GOLIM4: variants seen among roughly 807,000 people sequenced by gnomAD.
GOLIM4 encodes 130 kDa golgi-localized phosphoprotein.
GOLIM4 carries 71 observed loss-of-function variants against 107.4 expected under a neutral mutation model. That is an observed-to-expected ratio of 0.66 (90% confidence interval 0.55 to 0.81). The LOEUF is 0.81. Ranked by LOEUF, GOLIM4 falls within the 30% of genes least tolerant of loss-of-function variation. The pLI is 0.00. For missense variants in GOLIM4, 830 were observed against 826.1 expected, an observed-to-expected ratio of 1.00 and a Z score of -0.06; for synonymous variants, 327 against 294.8, an observed-to-expected ratio of 1.11 and a Z score of -1.12.
At chr3:168,044,654 C>T (rs765534347) in intron 4 of GOLIM4, among the ~76,000 whole-genome samples, 174 bp downstream of exon 4, 1 of 151,928 alleles carries the variant, frequency 6.6e-6, no homozygotes, top group African/African-American at 2.4e-5. Flanking sequence ...GTGATAAATA[C>T]GACAAGCCAT....
intron 1 of GOLIM4, among the ~76,000 whole-genome samples, chr3:168,055,919 T>C (rs1279952107): frequency 6.6e-6 from 1 of 151,364 alleles, no homozygotes; most frequent in Non-Finnish European, 1.5e-5. Flanking sequence ...GAAAAGAAAA[T>C]CCCATTTTCT....
chr3:168,085,327 A>G (rs1879815), intron 1 of GOLIM4, among the ~76,000 whole-genome samples: 85,189 of 152,034 alleles, frequency 0.56, 24,535 homozygotes, highest in African/African-American at 0.71. Flanking sequence ...CAGATGACAG[A>G]ACCTCCTAAG....
chr3:168,062,077 T>C (rs1406404375), intron 1 of GOLIM4, among the ~76,000 whole-genome samples: 3 of 152,248 alleles, frequency 2.0e-5, no homozygotes, highest in African/African-American at 7.2e-5. Flanking sequence ...AATAAAATAG[T>C]GAAATATGCA....
rs1343241778 is a variant in GOLIM4 at position 168,040,200 on chromosome 3, CCT to C, written c.684+584_684+585del. Among the ~76,000 whole-genome samples the C allele has an allele frequency of 5.9e-5, 9 of 152,306 alleles. 1 individual carries two copies. The highest frequency in any genetic ancestry group is 3.3e-4 in the Admixed American group (5 of 15,290). The stretch of plus-strand genomic sequence containing the variant: ...GCTCTCCAACACTTGTATTTGTTCC[CCT>C]GTTCATTCAGTAAATATATACTGAG... On this transcript the variant is annotated intron_variant, in intron 7 of 15. Transcript: ENST00000470487.
chr3:168,010,199 T>C lies in GOLIM4; in HGVS notation c.*70A>G. ...TGTAATTAAATATCCTAGAGTTCAG[T>C]AGGCAGATTTATGTTTGAGCAGCTT... On this transcript the variant is annotated 3_prime_UTR_variant, in exon 16 of 16. Coordinates refer to ENST00000470487, the MANE Select transcript of GOLIM4 (RefSeq NM_014498.5). The C allele has an allele frequency of 2.2e-6, 3 of 1,378,630 alleles. No homozygotes were observed. The highest frequency in any genetic ancestry group is 1.5e-5 in the African/African-American group (1 of 68,918). 85.4% of individuals were successfully genotyped at this position (1,378,630 alleles called of 1,614,324 possible). A position where few individuals can be genotyped will look rare whatever the true frequency, so the allele number is the denominator to read the frequency against.
chr3:168,064,702 G>A (rs933445189), intron 1 of GOLIM4, among the ~76,000 whole-genome samples: 25 of 149,816 alleles, frequency 1.7e-4, no homozygotes, highest in African/African-American at 4.0e-4. Flanking sequence ...CTCCTGAGTC[G>A]CTGGGACTAC....
chr3:168,027,504 T>G (rs1039700807), intron 12 of GOLIM4, among the ~76,000 whole-genome samples: 3 of 151,948 alleles, frequency 2.0e-5, no homozygotes, highest in East Asian at 1.9e-4. Context: ...GTTTTGTTTT[T>G]TTTTTTCCCC....
intron 14 of GOLIM4, among the ~76,000 whole-genome samples, chr3:168,012,868 C>T (rs530874528): frequency 3.0e-4 from 46 of 151,768 alleles, no homozygotes; most frequent in Admixed American, 2.2e-3. Flanking sequence ...CAGGCCTGCC[C>T]TACAAGAGCT....
Position 168,043,477 on chromosome 3 carries a change from C to G in GOLIM4, c.419G>C (p.Arg140Pro). The G allele has an allele frequency of 1.2e-6, 2 of 1,613,234 alleles. No homozygotes were observed. Among genetic ancestry groups the G allele is most frequent in the Non-Finnish European group, 1.7e-6 (2 of 1,179,484 alleles). Residue 140 changes from arginine to proline, a missense_variant, in exon 5 of 16, where the codon CGC becomes CCC. By Grantham distance (103) the Arg-to-Pro change is moderately radical. Coordinates refer to ENST00000470487, the MANE Select transcript of GOLIM4 (RefSeq NM_014498.5). The stretch of plus-strand genomic sequence containing the variant: ...TCTACTGAAGTCTTCCCCTTGTTTG[C>G]GATGTTCCTCTTCCAAGTCACTGTG... Reference protein sequence around the residue: ...KQHSDLEEEHRKQGEDFSRTF... With the variant: ...KQHSDLEEEHPKQGEDFSRTF...
rs1718079677 is a variant in GOLIM4 at position 168,027,776 on chromosome 3, C to G, written c.1575G>C (p.Glu525Asp). The change falls in exon 12 of 16, where the codon GAG (glutamate) becomes GAC (aspartate). Residue 525 changes from glutamate to aspartate, a missense_variant. Glu to Asp is a conservative substitution (Grantham distance 45). Coordinates refer to ENST00000470487, the MANE Select transcript of GOLIM4 (RefSeq NM_014498.5). The stretch of plus-strand genomic sequence containing the variant: ...CTTCTCGGGGTCCTTGTTCACGAGG[C>G]TCATGTCTATTACCTGGATCTCCTT... ...EAEGDPGNRH[E>D]PREQGPREAD... The G allele has an allele frequency of 6.2e-7, 1 of 1,613,602 alleles. No individual in the cohort carries two copies. The highest frequency in any genetic ancestry group is 8.5e-7 in the Non-Finnish European group (1 of 1,179,628).
At chr3:168,022,152 A>C (rs980100811) in intron 14 of GOLIM4, among the ~76,000 whole-genome samples, 1 of 152,104 alleles carries the variant, frequency 6.6e-6, no homozygotes, top group Non-Finnish European at 1.5e-5. Flanking sequence ...CAAGTCTGTA[A>C]GTTTGATGGG....
At chr3:168,028,186 T>C (rs74900645) in intron 11 of GOLIM4, among the ~76,000 whole-genome samples, 1,713 of 152,322 alleles carry the variant, frequency 0.011, 33 homozygotes, top group African/African-American at 0.037. Flanking sequence ...TAATGTTTGA[T>C]AATATCAGAG....
intron 1 of GOLIM4, among the ~76,000 whole-genome samples, chr3:168,066,777 A>C (rs1278205785): frequency 6.6e-6 from 1 of 152,162 alleles, no homozygotes. Flanking sequence ...AGATCTAGTG[A>C]CCTTTTTGTA....
At chr3:168,032,351 A>C (rs536271343) in intron 9 of GOLIM4, among the ~76,000 whole-genome samples, 169 bp downstream of exon 9, 1 of 152,344 alleles carries the variant, frequency 6.6e-6, no homozygotes, top group African/African-American at 2.4e-5. Flanking sequence ...AGGTATGCGA[A>C]TAGCTATGCT....
chr3:168,021,985 G>C (rs996136964), intron 14 of GOLIM4, among the ~76,000 whole-genome samples: 2 of 152,166 alleles, frequency 1.3e-5, no homozygotes, highest in South Asian at 2.1e-4. Flanking sequence ...TGTAAGCAAC[G>C]TAAGGAAGGG....
At chr3:168,041,689 G>GCTTTTA (rs1719012294) in intron 5 of GOLIM4, among the ~76,000 whole-genome samples, 1 of 152,060 alleles carries the variant, frequency 6.6e-6, no homozygotes, top group East Asian at 1.9e-4. Flanking sequence ...TACTTTAAAT[G>GCTTTTA]CTTTTAAACA....
intron 7 of GOLIM4, among the ~76,000 whole-genome samples, chr3:168,040,346 C>T (rs974273486): frequency 1.3e-5 from 2 of 152,102 alleles, no homozygotes; most frequent in Non-Finnish European, 2.9e-5. Flanking sequence ...ACATAAGCCT[C>T]GTTCCAAAAG....
In GOLIM4 at chr3:168,040,553, C is replaced by T. The variant is rs184992596; in HGVS notation, c.684+233G>A. 3.9e-5 allele frequency among the ~76,000 whole-genome samples: 6 copies of T among 152,166 alleles called. No homozygotes were observed. The East Asian group carries it at 9.7e-4, about 24-fold the overall frequency. On this transcript the variant is annotated intron_variant, in intron 7 of 15. Coordinates refer to ENST00000470487, the MANE Select transcript of GOLIM4 (RefSeq NM_014498.5). ...AGTATTAGACTACTGCATGTAGGGACGAGAGTGGAAAGAAATGATCATTTA... is the reference window on the plus strand; with the variant it reads ...AGTATTAGACTACTGCATGTAGGGATGAGAGTGGAAAGAAATGATCATTTA...
chr3:168,039,567 A>T (rs533878132), intron 7 of GOLIM4, among the ~76,000 whole-genome samples: 387 of 151,692 alleles, frequency 2.6e-3, no homozygotes, highest in Non-Finnish European at 4.5e-3. Context: ...CCCGGCCAAA[A>T]TTTTTTTTTC....
Sources: gnomAD v4.1 joint callset for allele counts (sites outside exome capture counted in the v4.1 genomes callset) on GRCh38, gnomAD v4.1.1 for gene constraint, MANE v1.5 for transcripts, NCBI Gene and HGNC (gene_info 2026-07-23, HGNC 2026-07-21) for gene names.